CEP63: variants seen among roughly 807,000 people sequenced by gnomAD.
CEP63 encodes the protein centrosomal protein of 63 kDa.
In CEP63, 84 loss-of-function variants were observed where a neutral mutation model predicts 89.1. That is an observed-to-expected ratio of 0.94 (90% confidence interval 0.79 to 1.13). CEP63 has a LOEUF of 1.13. Ranked by LOEUF, CEP63 falls within the 50% of genes most tolerant of loss-of-function variation. The pLI, the probability that CEP63 is intolerant of heterozygous loss-of-function variation, is 0.00. For synonymous variants in CEP63, 267 were observed against 272.5 expected (o/e 0.98, Z 0.20); for missense variants, 838 against 813.3 (o/e 1.03, Z -0.37).
At chr3:134,638,901 C>T in the CEP63 span, among the ~76,000 whole-genome samples, 3 of 102,318 alleles carry the variant, frequency 2.9e-5, no homozygotes, top group South Asian at 9.9e-4. Flanking sequence ...TTAACGAAGA[C>T]TGTCAGGTGT....
the CEP63 span, chr3:134,603,504 C>T: frequency 1.5e-6 from 2 of 1,361,384 alleles, no homozygotes; most frequent in Non-Finnish European, 1.0e-6. Context: ...TCCAGGGCTC[C>T]CTGCACTTCC....
At chr3:134,532,754 A>G in intron 4 of CEP63, 24 bp from the exon 5 acceptor site, 1 of 1,582,658 alleles carries the variant, frequency 6.3e-7, no homozygotes, top group Non-Finnish European at 8.7e-7. Flanking sequence ...TAAACTTTAA[A>G]TATAGAAATA....
At chr3:134,728,117 A>C in the CEP63 span, among the ~76,000 whole-genome samples, 1 of 152,220 alleles carries the variant, frequency 6.6e-6, no homozygotes, top group Non-Finnish European at 1.5e-5. Flanking sequence ...AACATGTTTA[A>C]CCTCACTAAA....
chr3:134,499,162 C>G (rs1162394919), intron 2 of CEP63, among the ~76,000 whole-genome samples: 1 of 152,132 alleles, frequency 6.6e-6, no homozygotes, highest in Non-Finnish European at 1.5e-5. Flanking sequence ...GCCATCAGGT[C>G]CTGGGCTTTT....
chr3:134,736,704 A>T, the CEP63 span, among the ~76,000 whole-genome samples: 6 of 152,162 alleles, frequency 3.9e-5, no homozygotes, highest in Non-Finnish European at 7.4e-5. Context: ...GGATAGGAAA[A>T]CTCAATATCA....
the CEP63 span, among the ~76,000 whole-genome samples, chr3:134,676,565 T>A: frequency 6.6e-6 from 1 of 152,170 alleles, no homozygotes; most frequent in Non-Finnish European, 1.5e-5. Context: ...AAACAAATTG[T>A]AAGGGTGAAT....
chr3:134,738,186 T>C, the CEP63 span, among the ~76,000 whole-genome samples: 6 of 152,036 alleles, frequency 3.9e-5, no homozygotes, highest in East Asian at 1.2e-3. Context: ...GTCTCCAATC[T>C]TGTCCAGGTC....
At chr3:134,540,764 ATTTTTTTT>A in intron 6 of CEP63, among the ~76,000 whole-genome samples, 1 of 133,400 alleles carries the variant, frequency 7.5e-6, no homozygotes, top group East Asian at 2.1e-4. Context: ...TTGTTTTAGG[ATTTTTTTT>A]TTTTTTTTTT....
chr3:134,630,080 G>C, the CEP63 span, among the ~76,000 whole-genome samples: 1 of 152,238 alleles, frequency 6.6e-6, no homozygotes, highest in East Asian at 1.9e-4. Context: ...GTATCATCTA[G>C]ACTGGACTTA....
the CEP63 span, among the ~76,000 whole-genome samples, chr3:134,667,651 C>T: frequency 6.6e-6 from 1 of 152,222 alleles, no homozygotes; most frequent in African/African-American, 2.4e-5. Context: ...GGGTGTTCAG[C>T]TGTGGCCGCT....
the CEP63 span, among the ~76,000 whole-genome samples, chr3:134,743,739 C>T: frequency 3.3e-5 from 5 of 152,126 alleles, no homozygotes; most frequent in African/African-American, 9.7e-5. Context: ...ATATCTGCTT[C>T]AATAGGGACC....
chr3:134,709,404 G>T, the CEP63 span, among the ~76,000 whole-genome samples: 1 of 150,748 alleles, frequency 6.6e-6, no homozygotes, highest in East Asian at 2.0e-4. Context: ...AGCAGAGGAG[G>T]GGAATGACTG....
At position 134,537,260 on chromosome 3, in the gene CEP63, A is replaced by G; in HGVS notation, c.547A>G (p.Ile183Val). ...QRKALAEQSE[I>V]IQAQLVNRKQ... Reference sequence around the variant, plus strand: ...GAAGGCTCTGGCTGAACAATCAGAGATAATTCAGGTAGGCCTAAGACTTTT... The same window carrying G: ...GAAGGCTCTGGCTGAACAATCAGAGGTAATTCAGGTAGGCCTAAGACTTTT... Residue 183 changes from isoleucine to valine, a missense_variant, in exon 6 of 15, where the codon ATA becomes GTA. Coordinates refer to ENST00000675561, the MANE Select transcript of CEP63 (RefSeq NM_001353108.3). The G allele has an allele frequency of 1.3e-6, 2 of 1,599,932 alleles. No individual in the cohort carries two copies. The highest frequency in any genetic ancestry group is 1.7e-6 in the Non-Finnish European group (2 of 1,167,024).
intron 10 of CEP63, among the ~76,000 whole-genome samples, chr3:134,584,853 A>G (rs1181704175): frequency 6.6e-6 from 1 of 151,952 alleles, no homozygotes; most frequent in Non-Finnish European, 1.5e-5. Flanking sequence ...CCTCAGTTCC[A>G]GAGCCTGTTA....
At chr3:134,492,340 A>T (rs770239416) in intron 1 of CEP63, among the ~76,000 whole-genome samples, 68 of 152,192 alleles carry the variant, frequency 4.5e-4, no homozygotes, top group Admixed American at 7.2e-4. Flanking sequence ...TCAAAGTGAC[A>T]TAGTGCATAG....
chr3:134,756,678 C>G, the CEP63 span, among the ~76,000 whole-genome samples: 10 of 152,148 alleles, frequency 6.6e-5, no homozygotes, highest in African/African-American at 1.9e-4. Context: ...TTGACAGCCT[C>G]GTGAGGGGAG....
At chr3:134,492,665 G>T (rs1001728298) in intron 1 of CEP63, among the ~76,000 whole-genome samples, 2 of 148,962 alleles carry the variant, frequency 1.3e-5, no homozygotes, top group African/African-American at 5.0e-5. Context: ...TCATTATTGT[G>T]CTGCTGCCAC....
the CEP63 span, among the ~76,000 whole-genome samples, chr3:134,714,766 C>T: frequency 3.3e-5 from 5 of 152,352 alleles, no homozygotes; most frequent in Middle Eastern, 6.8e-3. Flanking sequence ...GATTTGCTCT[C>T]CTCCAAATGA....
intron 3 of CEP63, among the ~76,000 whole-genome samples, chr3:134,531,602 G>C (rs998092401): frequency 2.6e-5 from 4 of 152,038 alleles, no homozygotes; most frequent in Non-Finnish European, 4.4e-5. Flanking sequence ...AAGAAAAAGA[G>C]AGAGAGTCTT....
Sources: gnomAD v4.1 joint callset for allele counts (sites outside exome capture counted in the v4.1 genomes callset) on GRCh38, gnomAD v4.1.1 for gene constraint, MANE v1.5 for transcripts, NCBI Gene and HGNC (gene_info 2026-07-23, HGNC 2026-07-21) for gene names.